Variants in TPD52 observed in about 807,000 individuals in gnomAD.
TPD52 encodes the protein tumor protein D52, also known as prostate and colon associated protein.
In TPD52, 17 loss-of-function variants were observed where a neutral mutation model predicts 31.3. That is an observed-to-expected ratio of 0.54 (90% CI 0.37 to 0.82). TPD52 has a LOEUF of 0.82. Ranked by LOEUF, TPD52 falls within the 40% of genes least tolerant of loss-of-function variation. The pLI, the probability that TPD52 is intolerant of heterozygous loss-of-function variation, is 0.00. For synonymous variants in TPD52, 83 were observed against 89.6 expected (o/e 0.93, Z 0.42); for missense variants, 212 against 240.1 (o/e 0.88, Z 0.77).
At chr8:80,084,097 G>A (rs571051765) in intron 1 of TPD52, among the ~76,000 whole-genome samples, 1 of 152,278 alleles carries the variant, frequency 6.6e-6, no homozygotes, top group African/African-American at 2.4e-5. Flanking sequence ...TGGAGGGTGA[G>A]ACCCACTCTA....
chr8:80,086,760 G>A (rs1815813061), intron 1 of TPD52, among the ~76,000 whole-genome samples: 1 of 151,672 alleles, frequency 6.6e-6, no homozygotes, highest in Non-Finnish European at 1.5e-5. Flanking sequence ...TGCAGTCCCA[G>A]TTACTCAGAA....
intron 1 of TPD52, among the ~76,000 whole-genome samples, chr8:80,141,631 G>T (rs1809833038): frequency 6.6e-6 from 1 of 152,244 alleles, no homozygotes; most frequent in South Asian, 2.1e-4. Flanking sequence ...TATAAATGTG[G>T]CTGGGCGCGG....
At position 80,038,044 on chromosome 8, in the gene TPD52, G is replaced by A. The variant is rs569497816; in HGVS notation, c.*72C>T. 10 of 1,570,060 alleles carry A rather than the reference G, an allele frequency of 6.4e-6. No homozygotes were observed. In the South Asian group the frequency reaches 1.1e-4, roughly 18 times the overall value. ...ACATCTGGTAGAAATTCATGGCAATGCATGTTGACAAGATGTGCTTGGACC... is the reference window on the plus strand; with the variant it reads ...ACATCTGGTAGAAATTCATGGCAATACATGTTGACAAGATGTGCTTGGACC... On this transcript the variant is annotated 3_prime_UTR_variant, in exon 8 of 8. Transcript: ENST00000518937.
rs546256571 is a variant in TPD52 at position 80,146,692 on chromosome 8, A to T, written c.19+24733T>A. Reference sequence around the variant, plus strand: ...ATTTATTTATAATAGTTAACAAAAAATACTGGAAAGAATCAAGTATCCATT... The same window carrying T: ...ATTTATTTATAATAGTTAACAAAAATTACTGGAAAGAATCAAGTATCCATT... On this transcript the variant is annotated intron_variant, in intron 1 of 7. Transcript: ENST00000518937. Among the ~76,000 whole-genome samples, 4 of 152,368 alleles carry T rather than the reference A, an allele frequency of 2.6e-5. No individual in the cohort carries two copies. The East Asian group carries it at 7.7e-4, about 29-fold the overall frequency.
chr8:80,044,309 T>C, intron 5 of TPD52, 101 bp from the exon 6 acceptor site: 1 of 887,922 alleles, frequency 1.1e-6, no homozygotes, highest in Non-Finnish European at 1.7e-6. Context: ...AGCTTTATTC[T>C]CTTGGCGCCA....
At chr8:80,053,163 T>A in intron 3 of TPD52, 119 bp downstream of exon 3, 1 of 1,153,582 alleles carries the variant, frequency 8.7e-7, no homozygotes. Context: ...AAGGGTGCCG[T>A]GTCGTCCAAA....
At chr8:80,107,588 C>G (rs12543614) in intron 1 of TPD52, among the ~76,000 whole-genome samples, 7 of 151,920 alleles carry the variant, frequency 4.6e-5, no homozygotes, top group Admixed American at 4.6e-4. Context: ...GTGTGTGTGT[C>G]TATATATATA....
At chr8:80,132,563 A>T (rs1290015297) in intron 1 of TPD52, among the ~76,000 whole-genome samples, 1 of 152,148 alleles carries the variant, frequency 6.6e-6, no homozygotes, top group African/African-American at 2.4e-5. Context: ...TTTGCAAATC[A>T]TTCAGTATAT....
At chr8:80,042,979 T>G (rs1270550155) in intron 6 of TPD52, 1 of 209,752 alleles carries the variant, frequency 4.8e-6, no homozygotes, top group Admixed American at 5.6e-5. Context: ...TTCTGTCACT[T>G]CCCCAACCAA....
Position 80,136,523 on chromosome 8 carries a change from CAAAAAAAAAAAAAAAAAAA to C in TPD52, c.19+34883_19+34901del, listed in dbSNP as rs56656428. 4.5e-5 allele frequency among the ~76,000 whole-genome samples: 3 copies of C among 67,080 alleles called. No individual in the cohort carries two copies. In the Admixed American group the frequency reaches 6.7e-4, roughly 15 times the overall value. 44.0% of individuals were successfully genotyped at this position (67,080 alleles called of 152,430 possible). A position where few individuals can be genotyped will look rare whatever the true frequency, so the allele number is the denominator to read the frequency against. On this transcript the variant is annotated intron_variant, in intron 1 of 7. Coordinates refer to ENST00000518937, the MANE Select transcript of TPD52 (RefSeq NM_001025253.3). ...TGGGCGACAGAGCGAGACTCTGTCT[CAAAAAAAAAAAAAAAAAAA>C]AAAAAAAAAGAAAACAGTGCTCACC... is the stretch of plus-strand genomic sequence containing the variant.
At chr8:80,164,269 A>T (rs1294805994) in intron 1 of TPD52, among the ~76,000 whole-genome samples, 1 of 152,250 alleles carries the variant, frequency 6.6e-6, no homozygotes, top group East Asian at 1.9e-4. Context: ...ATGAAGCTAC[A>T]ATAACTTAAA....
chr8:80,133,375 G>A (rs1007839070), intron 1 of TPD52, among the ~76,000 whole-genome samples: 1 of 151,934 alleles, frequency 6.6e-6, no homozygotes, highest in African/African-American at 2.4e-5. Flanking sequence ...ACCACCCATG[G>A]GCCATATTCC....
intron 1 of TPD52, among the ~76,000 whole-genome samples, chr8:80,143,536 A>G (rs918322942): frequency 5.3e-5 from 8 of 152,074 alleles, no homozygotes; most frequent in African/African-American, 1.7e-4. Flanking sequence ...CCTATATATT[A>G]ATAGCTTACT....
chr8:80,068,917 A>G lies in TPD52; in HGVS notation c.20-4324T>C, dbSNP rs560837782. ...CCTGCAAACATGCTTCAAAATTTGC[A>G]AAATGGCTTAGAAAATGCCAGGTCC... On this transcript the variant is annotated intron_variant, in intron 1 of 7. Transcript: ENST00000518937. Among the ~76,000 whole-genome samples, 12 of 152,372 alleles carry G rather than the reference A, an allele frequency of 7.9e-5. No homozygotes were observed. In the East Asian group the frequency reaches 2.3e-3, roughly 29 times the overall value.
intron 1 of TPD52, among the ~76,000 whole-genome samples, chr8:80,168,707 C>T (rs1361036608): frequency 1.3e-5 from 2 of 152,196 alleles, no homozygotes; most frequent in African/African-American, 4.8e-5. Context: ...AAGTTATCCT[C>T]CAAGCCCAGC....
chr8:80,064,542 G>A lies in TPD52; in HGVS notation c.71C>T (p.Thr24Met), dbSNP rs775926920. Residue 24 changes from threonine to methionine, a missense_variant, in exon 2 of 8, where the codon ACG becomes ATG. Thr to Met is a moderately conservative substitution (Grantham distance 81, BLOSUM62 -1). Transcript: ENST00000518937. ...VPEEGEDVAA[T>M]ISATETLSEE... ...CGAGAGGGTCTCTGTGGCACTGATCGTGGCAGCAACATCTTCTCCTTCCTC... is the reference window on the plus strand; with the variant it reads ...CGAGAGGGTCTCTGTGGCACTGATCATGGCAGCAACATCTTCTCCTTCCTC... The A allele has an allele frequency of 2.1e-5, 34 of 1,613,978 alleles. No individual in the cohort carries two copies. The highest frequency in any genetic ancestry group is 1.3e-4 in the Admixed American group (8 of 59,988).
At chr8:80,089,038 T>G (rs977164332) in intron 1 of TPD52, among the ~76,000 whole-genome samples, 1 of 152,168 alleles carries the variant, frequency 6.6e-6, no homozygotes, top group African/African-American at 2.4e-5. Flanking sequence ...GAAACCTATC[T>G]ACCCTGCCAC....
intron 1 of TPD52, among the ~76,000 whole-genome samples, chr8:80,160,889 C>CAAAAAAAAAAAA (rs58923055): frequency 1.2e-4 from 11 of 95,012 alleles, no homozygotes; most frequent in African/African-American, 2.6e-4. Context: ...ACTAAAAATA[C>CAAAAAAAAAAAA]AAAAAAAAAA....
At chr8:80,085,379 AAT>A (rs796685349) in intron 1 of TPD52, among the ~76,000 whole-genome samples, 8 of 152,356 alleles carry the variant, frequency 5.3e-5, no homozygotes, top group African/African-American at 1.9e-4. Flanking sequence ...TCATCACTCA[AAT>A]ATGTCAGTGT....
Sources: allele counts gnomAD v4.1 joint callset (sites outside exome capture counted in the v4.1 genomes callset), GRCh38; gene constraint gnomAD v4.1.1; transcripts MANE v1.5; gene names NCBI Gene and HGNC (gene_info 2026-07-23, HGNC 2026-07-21).